Variants in WASF1 observed in about 807,000 individuals in gnomAD.
WASF1 encodes the protein WASP family member 1.
WASF1 carries 7 observed loss-of-function variants against 50.5 expected under a neutral mutation model. The observed-to-expected ratio is 0.14, with a 90% CI of 0.08 to 0.26. The LOEUF is 0.26. WASF1 is among the 10% of genes least tolerant of loss of function. The probability of loss-of-function intolerance (pLI) is 1.00; values close to 1 mark genes in which losing one functional copy is unlikely to be tolerated. For synonymous variants in WASF1, 205 were observed against 244.0 expected (o/e 0.84, Z 1.49); for missense variants, 470 against 694.7 (o/e 0.68, Z 3.64).
chr6:110,152,140 G>A (rs574814853), intron 3 of WASF1, among the ~76,000 whole-genome samples: 39 of 152,132 alleles, frequency 2.6e-4, no homozygotes, highest in Non-Finnish European at 4.6e-4. Context: ...AGATTATATG[G>A]GTGGGCTTAA....
chr6:110,103,357 C>T, intron 9 of WASF1, 21 bp downstream of exon 9: 1 of 1,606,832 alleles, frequency 6.2e-7, no homozygotes, highest in Non-Finnish European at 8.5e-7. Flanking sequence ...GATAAAACAT[C>T]ATATGCTTGT....
intron 4 of WASF1, among the ~76,000 whole-genome samples, chr6:110,126,111 C>T (rs1364980828): frequency 2.0e-5 from 3 of 152,024 alleles, no homozygotes; most frequent in African/African-American, 4.8e-5. Context: ...TATTAGCATG[C>T]TTATATACTT....
At position 110,101,637 on chromosome 6, in the gene WASF1, T is replaced by G; in HGVS notation, c.1473A>C (p.Leu491=). 1 of 1,613,870 alleles carries G rather than the reference T, an allele frequency of 6.2e-7. No individual in the cohort carries two copies. The part of the protein sequence containing the change: ...ASEPKRHPST[L]PVISDARSVL... ...CACTCCTGGCATCACTGATTACAGG[T>G]AGGGTTGATGGATGGCGCTTTGGCT... The change falls in exon 10 of 11, where the codon CTA becomes CTC. Residue 491 remains leucine (L), a synonymous_variant. Coordinates refer to ENST00000392589, the MANE Select transcript of WASF1 (RefSeq NM_003931.3).
At chr6:110,163,803 C>T (rs936285876) in intron 2 of WASF1, among the ~76,000 whole-genome samples, 4 of 151,502 alleles carry the variant, frequency 2.6e-5, no homozygotes, top group Non-Finnish European at 4.4e-5. Flanking sequence ...TGACACTATG[C>T]AACCTCAAGA....
rs1332589936 is a variant in WASF1 at position 110,100,699 on chromosome 6, C to T, written c.1523-20G>A. On this transcript the variant is annotated intron_variant, in intron 10 of 10. Coordinates refer to ENST00000392589, the MANE Select transcript of WASF1 (RefSeq NM_003931.3). ...GAATACCTGATACAGTGAATCCAAACCATTCATTTAAATCAAAATACTAGA... is the reference window on the plus strand; with the variant it reads ...GAATACCTGATACAGTGAATCCAAATCATTCATTTAAATCAAAATACTAGA... 6.3e-7 allele frequency: 1 copy of T among 1,579,286 alleles called. No individual in the cohort carries two copies. The highest frequency in any genetic ancestry group is 1.7e-4 in the Middle Eastern group (1 of 5,926).
chr6:110,109,142 T>C (rs1307924090), intron 5 of WASF1, among the ~76,000 whole-genome samples: 3 of 152,208 alleles, frequency 2.0e-5, no homozygotes, highest in African/African-American at 4.8e-5. Flanking sequence ...CTATGCTACA[T>C]ATACTATAAA....
chr6:110,163,590 G>A (rs970065736), intron 2 of WASF1, among the ~76,000 whole-genome samples: 1 of 151,440 alleles, frequency 6.6e-6, no homozygotes, highest in Non-Finnish European at 1.5e-5. Flanking sequence ...TTGGGGGTGG[G>A]GGATGGGGAC....
At chr6:110,126,547 A>C (rs972752287) in intron 4 of WASF1, among the ~76,000 whole-genome samples, 7 of 152,206 alleles carry the variant, frequency 4.6e-5, no homozygotes, top group African/African-American at 1.7e-4. Context: ...AAGAAAGGAC[A>C]AAAGTTAAAA....
chr6:110,128,207 T>C (rs541172124), intron 3 of WASF1, among the ~76,000 whole-genome samples: 5 of 152,218 alleles, frequency 3.3e-5, no homozygotes, highest in Non-Finnish European at 7.3e-5. Flanking sequence ...TTCCAATTAC[T>C]AGAATATCAA....
chr6:110,105,637 G>A, intron 7 of WASF1, 58 bp from the exon 8 acceptor site: 2 of 1,519,738 alleles, frequency 1.3e-6, no homozygotes, highest in Non-Finnish European at 1.8e-6. Flanking sequence ...TTAAAAAGGA[G>A]GTTATAACAA....
At chr6:110,169,687 AG>A (rs1413011381) in intron 2 of WASF1, among the ~76,000 whole-genome samples, 2 of 152,174 alleles carry the variant, frequency 1.3e-5, no homozygotes, top group Non-Finnish European at 2.9e-5. Context: ...AGCTTAAGTC[AG>A]GGGTAAGCCC....
At chr6:110,147,071 G>C (rs1236004689) in intron 3 of WASF1, among the ~76,000 whole-genome samples, 1 of 152,074 alleles carries the variant, frequency 6.6e-6, no homozygotes, top group African/African-American at 2.4e-5. Flanking sequence ...CCTGAGGCCA[G>C]GCGCGGTGGC....
intron 3 of WASF1, among the ~76,000 whole-genome samples, chr6:110,150,576 A>G (rs1269328152): frequency 6.6e-6 from 1 of 152,238 alleles, no homozygotes; most frequent in Non-Finnish European, 1.5e-5. Flanking sequence ...ACTGGACAGC[A>G]CTGATGTCCA....
At chr6:110,139,722 C>G (rs1775137132) in intron 3 of WASF1, among the ~76,000 whole-genome samples, 1 of 152,170 alleles carries the variant, frequency 6.6e-6, no homozygotes, top group Non-Finnish European at 1.5e-5. Flanking sequence ...CCCCTCCAAT[C>G]CATGGAGGAT....
intron 3 of WASF1, among the ~76,000 whole-genome samples, chr6:110,132,829 C>T (rs1774746360): frequency 6.6e-6 from 1 of 151,578 alleles, no homozygotes; most frequent in African/African-American, 2.4e-5. Flanking sequence ...CAGTAATAGT[C>T]TCCAATTCCA....
intron 8 of WASF1, among the ~76,000 whole-genome samples, chr6:110,104,845 C>A (rs1176924102): frequency 6.6e-6 from 1 of 152,108 alleles, no homozygotes; most frequent in Non-Finnish European, 1.5e-5. Context: ...TAGACAGATG[C>A]CAGTTTAATG....
intron 3 of WASF1, among the ~76,000 whole-genome samples, 184 bp from the exon 4 acceptor site, chr6:110,127,813 C>T (rs1021437524): frequency 1.3e-5 from 2 of 152,142 alleles, no homozygotes; most frequent in African/African-American, 2.4e-5. Context: ...ACAAACCCCT[C>T]CTCTTCCTCC....
At chr6:110,171,462 T>C (rs1366224055) in intron 2 of WASF1, among the ~76,000 whole-genome samples, 1 of 152,174 alleles carries the variant, frequency 6.6e-6, no homozygotes, top group Non-Finnish European at 1.5e-5. Flanking sequence ...ACCAAGTATA[T>C]ATACAGACGG....
At chr6:110,108,754 CTTTA>C (rs1407502002) in intron 5 of WASF1, 73 bp from the exon 6 acceptor site, 8 of 1,416,898 alleles carry the variant, frequency 5.6e-6, no homozygotes, top group African/African-American at 2.9e-5. Context: ...AATTCACATA[CTTTA>C]TTTGTCTAAA....
Sources: allele counts gnomAD v4.1 joint callset (sites outside exome capture counted in the v4.1 genomes callset), GRCh38; gene constraint gnomAD v4.1.1; transcripts MANE v1.5; gene names NCBI Gene and HGNC (gene_info 2026-07-23, HGNC 2026-07-21).